Variants in TRIT1 observed in about 807,000 individuals in gnomAD.
TRIT1 encodes the protein tRNA dimethylallyltransferase.
In TRIT1, 43 loss-of-function variants were observed where a neutral mutation model predicts 51.2. The observed-to-expected ratio is 0.84, with a 90% CI of 0.66 to 1.08. The LOEUF is 1.08. Among genes scored for constraint, TRIT1 ranks in the 50% least tolerant of loss-of-function variants. The pLI, the probability that TRIT1 is intolerant of heterozygous loss-of-function variation, is 0.00. For synonymous variants in TRIT1, 184 were observed against 203.9 expected, an observed-to-expected ratio of 0.90 and a Z score of 0.83; for missense variants, 528 against 578.4, an observed-to-expected ratio of 0.91 and a Z score of 0.89.
At chr1:39,853,936 T>C (rs778483751) in intron 3 of TRIT1, 34 bp downstream of exon 3, 3 of 1,446,426 alleles carry the variant, frequency 2.1e-6, no homozygotes, top group South Asian at 2.4e-5. Flanking sequence ...GAGCAATCCA[T>C]TTCCTCAGTG....
intron 4 of TRIT1, 35 bp from the exon 5 acceptor site, chr1:39,850,296 C>A: frequency 6.2e-7 from 1 of 1,607,524 alleles, no homozygotes; most frequent in Non-Finnish European, 8.5e-7. Context: ...GGGGGCACAC[C>A]CATAAAAACC....
intron 1 of TRIT1, chr1:39,862,855 A>T (rs1434534808): frequency 4.1e-6 from 4 of 985,296 alleles, no homozygotes; most frequent in Non-Finnish European, 4.8e-6. Flanking sequence ...TGCTGGGAAG[A>T]GCCAAAAGGA....
At chr1:39,869,794 C>G (rs1359440364) in intron 1 of TRIT1, among the ~76,000 whole-genome samples, 1 of 151,916 alleles carries the variant, frequency 6.6e-6, no homozygotes, top group South Asian at 2.1e-4. Flanking sequence ...TCTGCCCGGC[C>G]GCCCCGTCTG....
chr1:39,877,328 TAAA>T (rs57539376), intron 1 of TRIT1, among the ~76,000 whole-genome samples: 10 of 113,074 alleles, frequency 8.8e-5, no homozygotes, highest in Admixed American at 1.9e-4. Context: ...GTGCTTCTAT[TAAA>T]AAAAAAAAAA....
chr1:39,844,397 A>AT, intron 9 of TRIT1, 134 bp downstream of exon 9: 1 of 854,818 alleles, frequency 1.2e-6, no homozygotes, highest in Non-Finnish European at 1.9e-6. Context: ...GTCTCCAGGT[A>AT]TTAAAAAGCA....
chr1:39,879,188 G>T (rs1054562760), intron 1 of TRIT1, among the ~76,000 whole-genome samples: 37 of 151,834 alleles, frequency 2.4e-4, no homozygotes, highest in African/African-American at 9.0e-4. Flanking sequence ...AGAATCGCTT[G>T]AACATGGGAG....
chr1:39,881,649 C>T (rs942235340), intron 1 of TRIT1: 1 of 152,082 alleles, frequency 6.6e-6, no homozygotes, highest in African/African-American at 2.4e-5. Context: ...GAACAATCAA[C>T]TGAGACAACT....
At chr1:39,880,268 TAAAA>T (rs1553148795) in intron 1 of TRIT1, among the ~76,000 whole-genome samples, 2 of 94,890 alleles carry the variant, frequency 2.1e-5, no homozygotes. Context: ...AGACCTCAAA[TAAAA>T]AAAAAAAAAA....
chr1:39,844,602 C>T lies in TRIT1; in HGVS notation c.1045G>A (p.Val349Ile). The T allele has an allele frequency of 6.2e-7, 1 of 1,613,978 alleles. No homozygotes were observed. The highest frequency in any genetic ancestry group is 8.5e-7 in the Non-Finnish European group (1 of 1,179,920). ...TCTTCCCACTTCGAGACATCAGATA[C>T]CTCTAAGCCATAGACAGGGGGGACA... ...PIVPPVYGLE[V>I]SDVSKWEESV... The change falls in exon 9 of 11, where the codon GTA becomes ATA. Residue 349 changes from valine to isoleucine, a missense_variant. Coordinates refer to ENST00000316891, the MANE Select transcript of TRIT1 (RefSeq NM_017646.6).
intron 5 of TRIT1, among the ~76,000 whole-genome samples, chr1:39,848,683 C>T (rs779234604): frequency 2.6e-5 from 4 of 151,428 alleles, no homozygotes; most frequent in South Asian, 2.1e-4. Flanking sequence ...ATTAGCTGGG[C>T]GTAGTGGCGC....
intron 1 of TRIT1, among the ~76,000 whole-genome samples, chr1:39,875,441 T>C (rs1644017964): frequency 6.6e-6 from 1 of 151,982 alleles, no homozygotes; most frequent in Admixed American, 6.5e-5. Flanking sequence ...TGAGCTGAGA[T>C]TGCGCCACTG....
At chr1:39,844,677 T>C in intron 8 of TRIT1, 37 bp from the exon 9 acceptor site, 1 of 1,437,244 alleles carries the variant, frequency 7.0e-7, no homozygotes, top group Non-Finnish European at 9.8e-7. Context: ...GAGGTCAGCC[T>C]CAAACCCAAT....
At chr1:39,862,440 C>T (rs766086434) in intron 1 of TRIT1, among the ~76,000 whole-genome samples, 9 of 151,844 alleles carry the variant, frequency 5.9e-5, no homozygotes, top group Admixed American at 2.6e-4. Flanking sequence ...TGTGATATTC[C>T]GTTTCTTGAA....
chr1:39,849,330 TAGAC>T (rs1235427577), intron 5 of TRIT1, among the ~76,000 whole-genome samples: 3 of 152,220 alleles, frequency 2.0e-5, no homozygotes, highest in Non-Finnish European at 4.4e-5. Context: ...AATTTGCTAT[TAGAC>T]AGTCTGCCTC....
At chr1:39,848,813 A>C (rs1642387964) in intron 5 of TRIT1, among the ~76,000 whole-genome samples, 1 of 151,058 alleles carries the variant, frequency 6.6e-6, no homozygotes, top group Admixed American at 6.6e-5. Context: ...ACAGGGCGAG[A>C]CTCTGTCTCA....
At chr1:39,854,162 A>T in intron 2 of TRIT1, 94 bp from the exon 3 acceptor site, 1 of 921,248 alleles carries the variant, frequency 1.1e-6, no homozygotes. Context: ...TTATCTGCAG[A>T]GCAGAGGAGA....
At chr1:39,861,567 C>T (rs987078078) in intron 1 of TRIT1, among the ~76,000 whole-genome samples, 1 of 152,072 alleles carries the variant, frequency 6.6e-6, no homozygotes, top group Non-Finnish European at 1.5e-5. Flanking sequence ...AGTATCCATC[C>T]ACAGATAAAC....
rs932180688 is a variant in TRIT1, at chr1:39,879,567, A to G, written c.174+3751T>C. On this transcript the variant is annotated intron_variant, in intron 1 of 10. Coordinates refer to ENST00000316891, the MANE Select transcript of TRIT1 (RefSeq NM_017646.6). ...TACTTGAGACAGGAGGACTGCTTGA[A>G]CTCAGGAGTTCAAAGTTACAGCAGT... Among the ~76,000 whole-genome samples the G allele has an allele frequency of 4.6e-5, 7 of 151,500 alleles. No homozygotes were observed. In the East Asian group the frequency reaches 9.7e-4, roughly 21 times the overall value.
chr1:39,852,541 G>C (rs909291815), intron 4 of TRIT1, 190 bp downstream of exon 4: 30 of 654,626 alleles, frequency 4.6e-5, no homozygotes, highest in Admixed American at 2.1e-4. Context: ...AACAAAGTAG[G>C]CTGCAATTAT....
Sources: gnomAD v4.1 joint callset for allele counts (sites outside exome capture counted in the v4.1 genomes callset) on GRCh38, gnomAD v4.1.1 for gene constraint, MANE v1.5 for transcripts, NCBI Gene and HGNC (gene_info 2026-07-23, HGNC 2026-07-21) for gene names.